Variants in EIF4G3 observed in about 807,000 individuals in gnomAD.
The protein encoded by EIF4G3 is eukaryotic translation initiation factor 4 gamma 3.
A neutral mutation model predicts 186.4 loss-of-function variants in EIF4G3; 34 were observed. The observed-to-expected ratio is 0.18, with a 90% CI of 0.14 to 0.24. The LOEUF is 0.24. Ranked by LOEUF, EIF4G3 falls within the 10% of genes least tolerant of loss-of-function variation. The pLI is 1.00. For synonymous variants in EIF4G3, 673 were observed against 679.5 expected, an observed-to-expected ratio of 0.99 and a Z score of 0.15; for missense variants, 1,536 against 1,948.5, an observed-to-expected ratio of 0.79 and a Z score of 3.99.
At chr1:21,005,341 A>C (rs1355544338) in intron 4 of EIF4G3, among the ~76,000 whole-genome samples, 1 of 152,184 alleles carries the variant, frequency 6.6e-6, no homozygotes, top group Non-Finnish European at 1.5e-5. Flanking sequence ...ATCTTAGGAT[A>C]TATTTTGACA....
At chr1:21,160,214 G>T (rs907852537) in intron 2 of EIF4G3, among the ~76,000 whole-genome samples, 3 of 151,666 alleles carry the variant, frequency 2.0e-5, no homozygotes, top group Admixed American at 6.6e-5. Context: ...AACAAACAAT[G>T]ATAGTTACTG....
At chr1:20,861,407 A>AAAAACAAG (rs1422042119) in intron 23 of EIF4G3, among the ~76,000 whole-genome samples, 4 of 152,204 alleles carry the variant, frequency 2.6e-5, no homozygotes, top group Non-Finnish European at 5.9e-5. Context: ...AAAAAAACAA[A>AAAAACAAG]AAAAACCCAG....
chr1:21,137,850 C>T (rs1233902695), intron 2 of EIF4G3, among the ~76,000 whole-genome samples: 3 of 150,552 alleles, frequency 2.0e-5, no homozygotes, highest in Non-Finnish European at 4.4e-5. Context: ...AAATGTGAAT[C>T]CCAGATTGAA....
At chr1:20,934,163 G>A (rs1366293470) in intron 14 of EIF4G3, among the ~76,000 whole-genome samples, 2 of 152,194 alleles carry the variant, frequency 1.3e-5, no homozygotes, top group East Asian at 3.8e-4. Context: ...GTGGTAAAAT[G>A]AGGCAAAAAG....
chr1:21,004,912 G>A (rs2084614614), intron 4 of EIF4G3, among the ~76,000 whole-genome samples: 2 of 151,972 alleles, frequency 1.3e-5, no homozygotes, highest in African/African-American at 4.8e-5. Context: ...CTGACACTAA[G>A]GTTCAACATC....
intron 6 of EIF4G3, chr1:20,999,399 G>C (rs932978001): frequency 2.9e-6 from 1 of 348,638 alleles, no homozygotes; most frequent in Non-Finnish European, 5.7e-6. Flanking sequence ...TGGTATGAAA[G>C]TAGGGAGTGG....
chr1:21,088,193 G>A (rs2096061187), intron 3 of EIF4G3, among the ~76,000 whole-genome samples: 1 of 152,130 alleles, frequency 6.6e-6, no homozygotes, highest in Non-Finnish European at 1.5e-5. Context: ...TTGAGGGGCT[G>A]AGGTGGTGGA....
chr1:20,958,176 A>G (rs1318412568), intron 12 of EIF4G3, among the ~76,000 whole-genome samples: 2 of 152,234 alleles, frequency 1.3e-5, no homozygotes, highest in African/African-American at 4.8e-5. Context: ...CAAATGCAAC[A>G]GCACATCAAA....
chr1:21,102,001 G>A (rs528298409), intron 2 of EIF4G3, among the ~76,000 whole-genome samples: 1 of 152,200 alleles, frequency 6.6e-6, no homozygotes, highest in African/African-American at 2.4e-5. Context: ...TAAAAAATGG[G>A]ATAAGCTTGA....
chr1:20,828,029 G>GTTTTTT (rs67354523), intron 31 of EIF4G3, among the ~76,000 whole-genome samples: 2 of 127,410 alleles, frequency 1.6e-5, no homozygotes, highest in African/African-American at 3.0e-5. Context: ...CTTTTATAAA[G>GTTTTTT]TTTTTTTTTT....
In EIF4G3 at chr1:20,851,422, C is replaced by T. The variant is rs2073245683; in HGVS notation, c.3608G>A (p.Arg1203Gln). 3 of 1,613,976 alleles carry T rather than the reference C, an allele frequency of 1.9e-6. No homozygotes were observed. Among genetic ancestry groups the T allele is most frequent in the Admixed American group, 1.7e-5 (1 of 59,992 alleles). The change falls in exon 28 of 37, where the codon CGG (arginine) becomes CAG (glutamine). Residue 1203 changes from arginine to glutamine, a missense_variant. Physicochemically the swap from Arg to Gln is conservative, Grantham distance 43. Around this residue, in one of 11 missense-constraint regions of EIF4G3, gnomAD observed 395 missense variants for 498.9 expected, o/e 0.79. Transcript: ENST00000602326. ...GCCACCCCTCATGAAAGTATTTGGCCGAGCTGTTGCAGATGGAAGGGGCTT... is the reference window on the plus strand; with the variant it reads ...GCCACCCCTCATGAAAGTATTTGGCTGAGCTGTTGCAGATGGAAGGGGCTT... ...NDKPLPSATA[R>Q]PNTFMRGGSS...
chr1:20,831,133 G>C (rs2065049689), intron 30 of EIF4G3, among the ~76,000 whole-genome samples: 1 of 152,164 alleles, frequency 6.6e-6, no homozygotes, highest in South Asian at 2.1e-4. Context: ...CCACTGGACT[G>C]AACTTTGGTA....
chr1:20,816,447 G>T (rs1461887350), intron 34 of EIF4G3, among the ~76,000 whole-genome samples: 2 of 120,886 alleles, frequency 1.7e-5, no homozygotes, highest in South Asian at 6.1e-4. Context: ...CTACTGGGAA[G>T]TGAGGACCCC....
At chr1:20,998,929 A>G in intron 6 of EIF4G3, 1 of 286,524 alleles carries the variant, frequency 3.5e-6, no homozygotes, top group South Asian at 3.1e-5. Flanking sequence ...TCAGCTTAAC[A>G]CTACAGATGA....
chr1:21,073,213 C>T (rs2095492974), intron 3 of EIF4G3, among the ~76,000 whole-genome samples: 3 of 152,200 alleles, frequency 2.0e-5, no homozygotes. Context: ...TCTTCAACAG[C>T]TCCTTCTATA....
chr1:20,873,954 T>A (rs762687575), intron 20 of EIF4G3, among the ~76,000 whole-genome samples: 3 of 152,260 alleles, frequency 2.0e-5, no homozygotes, highest in Non-Finnish European at 4.4e-5. Context: ...AGTTTTCTGT[T>A]CCAGTGTTAT....
intron 4 of EIF4G3, among the ~76,000 whole-genome samples, chr1:21,023,503 G>A (rs1289269829): frequency 6.6e-6 from 1 of 152,020 alleles, no homozygotes; most frequent in East Asian, 1.9e-4. Context: ...CGAGTGATCC[G>A]CCAGCCTCGG....
At chr1:21,070,797 C>T (rs566969168) in intron 3 of EIF4G3, among the ~76,000 whole-genome samples, 4 of 152,260 alleles carry the variant, frequency 2.6e-5, no homozygotes, top group East Asian at 3.9e-4. Flanking sequence ...CATAAACATT[C>T]TTGACAGCAC....
chr1:20,855,202 T>C (rs2074519993), intron 25 of EIF4G3, 131 bp from the exon 26 acceptor site: 1 of 620,586 alleles, frequency 1.6e-6, no homozygotes, highest in Admixed American at 3.1e-5. Context: ...GCCAATTTAA[T>C]AGAAACAGAA....
Sources: allele counts gnomAD v4.1 joint callset (sites outside exome capture counted in the v4.1 genomes callset), GRCh38; gene constraint gnomAD v4.1.1; regional missense constraint gnomAD v4.1.1; transcripts MANE v1.5; gene names NCBI Gene and HGNC (gene_info 2026-07-23, HGNC 2026-07-21).